ATP8A2: variants seen among roughly 807,000 people sequenced by gnomAD.
ATP8A2 encodes the protein ATPase phospholipid transporting 8A2, also known as phospholipid-transporting ATPase IB.
ATP8A2 carries 100 observed loss-of-function variants against 165.6 expected under a neutral mutation model. That is an observed-to-expected ratio of 0.60 (90% CI 0.51 to 0.71). The LOEUF is 0.71. Among genes scored for constraint, ATP8A2 ranks in the 30% least tolerant of loss-of-function variants. ATP8A2 has a pLI of 0.00. For missense variants in ATP8A2, 1,227 were observed against 1,479.5 expected (o/e 0.83, Z 2.80); for synonymous variants, 543 against 548.8 (o/e 0.99, Z 0.15).
rs763461849 is a variant in ATP8A2 at position 25,649,021 on chromosome 13, T to G, written c.2212-50152T>G. 5 of 508,662 alleles carry G rather than the reference T, an allele frequency of 9.8e-6. No individual in the cohort carries two copies. The East Asian group carries it at 2.8e-4, about 28-fold the overall frequency. 31.5% of individuals were successfully genotyped at this position (508,662 alleles called of 1,614,324 possible). A position where few individuals can be genotyped will look rare whatever the true frequency, so the allele number is the denominator to read the frequency against. On this transcript the variant is annotated intron_variant, in intron 24 of 36. Coordinates refer to ENST00000381655, the MANE Select transcript of ATP8A2 (RefSeq NM_016529.6). ...TTGATCTCCCTTTCATTAGGGTCAA[T>G]TTTTGGAGCTTTGTCAGTTTCTTTT...
intron 1 of ATP8A2, among the ~76,000 whole-genome samples, chr13:25,419,832 A>G (rs2034247135): frequency 6.6e-6 from 1 of 152,204 alleles, no homozygotes; most frequent in African/African-American, 2.4e-5. Flanking sequence ...ATAGATGATC[A>G]TTACTCTAGG....
chr13:25,553,768 CA>C, intron 11 of ATP8A2, 24 bp from the exon 12 acceptor site: 1 of 1,604,634 alleles, frequency 6.2e-7, no homozygotes, highest in South Asian at 1.1e-5. Flanking sequence ...GAACACCTTT[CA>C]GATACTCTGG....
intron 33 of ATP8A2, among the ~76,000 whole-genome samples, chr13:25,946,661 C>T (rs1955222112): frequency 6.6e-6 from 1 of 152,214 alleles, no homozygotes; most frequent in South Asian, 2.1e-4. Flanking sequence ...TGTGGCATTA[C>T]ATCTCAAAAA....
intron 1 of ATP8A2, among the ~76,000 whole-genome samples, chr13:25,412,719 C>T (rs2034004987): frequency 6.6e-6 from 1 of 152,198 alleles, no homozygotes; most frequent in Admixed American, 6.5e-5. Context: ...AGATTCATCA[C>T]AGAGCAGCAA....
chr13:25,703,305 C>T (rs1266849689), intron 25 of ATP8A2, among the ~76,000 whole-genome samples: 2 of 152,170 alleles, frequency 1.3e-5, no homozygotes, highest in Non-Finnish European at 2.9e-5. Flanking sequence ...GTCTCGATCT[C>T]TTGACCTTGT....
chr13:25,817,341 G>T (rs992163178), intron 27 of ATP8A2, among the ~76,000 whole-genome samples: 7 of 89,340 alleles, frequency 7.8e-5, no homozygotes, highest in Non-Finnish European at 2.5e-5. Flanking sequence ...TCGGTATTAT[G>T]GTCTTTTATG....
intron 24 of ATP8A2, among the ~76,000 whole-genome samples, chr13:25,598,178 A>G (rs184565743): frequency 5.4e-4 from 82 of 152,356 alleles, no homozygotes; most frequent in African/African-American, 1.9e-3. Context: ...CCTATTGAGC[A>G]TATATGTGAC....
At chr13:25,976,344 C>A (rs1330044291) in intron 35 of ATP8A2, among the ~76,000 whole-genome samples, 1 of 152,136 alleles carries the variant, frequency 6.6e-6, no homozygotes, top group Non-Finnish European at 1.5e-5. Flanking sequence ...GCAGAAAAGG[C>A]GATGAGGCCT....
At chr13:25,886,573 C>T (rs566784461) in intron 33 of ATP8A2, among the ~76,000 whole-genome samples, 3 of 152,336 alleles carry the variant, frequency 2.0e-5, no homozygotes, top group Admixed American at 6.5e-5. Flanking sequence ...TGGTTTCACC[C>T]GCTCCATGTG....
At chr13:25,965,527 C>T (rs1181030599) in intron 34 of ATP8A2, among the ~76,000 whole-genome samples, 2 of 152,174 alleles carry the variant, frequency 1.3e-5, no homozygotes, top group Non-Finnish European at 2.9e-5. Flanking sequence ...TATGTGATAC[C>T]TGGCTAATGA....
At chr13:25,789,100 C>G (rs2045102573) in intron 27 of ATP8A2, among the ~76,000 whole-genome samples, 1 of 152,070 alleles carries the variant, frequency 6.6e-6, no homozygotes, top group African/African-American at 2.4e-5. Context: ...CATGGTATTT[C>G]AAAATCATAG....
At chr13:25,638,595 T>C (rs896397267) in intron 24 of ATP8A2, among the ~76,000 whole-genome samples, 58 of 151,966 alleles carry the variant, frequency 3.8e-4, no homozygotes, top group African/African-American at 1.3e-3. Context: ...CCCCAAGAAA[T>C]ATGGGACTAT....
chr13:25,774,951 A>G lies in ATP8A2; in HGVS notation c.2671A>G (p.Ile891Val), dbSNP rs1043375940. The G allele has an allele frequency of 3.8e-6, 6 of 1,590,774 alleles. No individual in the cohort carries two copies. The highest frequency in any genetic ancestry group is 5.2e-6 in the Non-Finnish European group (6 of 1,161,332). The change falls in exon 27 of 37, where the codon ATT (isoleucine) becomes GTT (valine). Residue 891 changes from isoleucine to valine, a missense_variant. By Grantham distance (29) the Ile-to-Val change is conservative (BLOSUM62 3). Around this residue, in one of 5 missense-constraint regions of ATP8A2, gnomAD observed 592 missense variants for 785.6 expected, o/e 0.75. Transcript: ENST00000381655. ...CTTCTATAAGAACGTGGTCCTGTAT[A>G]TTATTGAGGTAAGAAGGGGTATTTT... is the stretch of plus-strand genomic sequence containing the variant. ...YCFYKNVVLY[I>V]IELWFAFVNG...
chr13:25,531,441 A>G (rs1593475470), intron 4 of ATP8A2, among the ~76,000 whole-genome samples: 1 of 46,534 alleles, frequency 2.1e-5, no homozygotes, highest in Non-Finnish European at 5.8e-5. Flanking sequence ...GATTATATAT[A>G]TGATTATATA....
chr13:25,835,844 C>G (rs1951589866), intron 28 of ATP8A2, among the ~76,000 whole-genome samples: 1 of 152,154 alleles, frequency 6.6e-6, no homozygotes, highest in Admixed American at 6.5e-5. Context: ...CTCAGCCAGC[C>G]ACCATCCTGT....
intron 25 of ATP8A2, among the ~76,000 whole-genome samples, chr13:25,747,925 A>G (rs1024109460): frequency 1.3e-5 from 2 of 151,722 alleles, no homozygotes; most frequent in African/African-American, 2.4e-5. Context: ...CTACAAGTAT[A>G]TAAGTTTTGT....
chr13:25,385,047 G>A (rs953572813), intron 1 of ATP8A2, among the ~76,000 whole-genome samples: 1 of 152,198 alleles, frequency 6.6e-6, no homozygotes, highest in Non-Finnish European at 1.5e-5. Context: ...TGGGGAAGCC[G>A]TCTCCAAAGG....
chr13:25,750,832 C>G lies in ATP8A2; in HGVS notation c.2385-18214C>G, dbSNP rs755336212. On this transcript the variant is annotated intron_variant, in intron 25 of 36. Transcript: ENST00000381655. This position sits in a 1 kb window ranked among gnomAD's most constrained non-coding sequence, Gnocchi z 4.3. ...AAAAAGGAATCTTTTTGGAATTACA[C>G]GTGTAGTTCACTAAAGTATTCCTAG... 6.6e-6 allele frequency among the ~76,000 whole-genome samples: 1 copy of G among 152,064 alleles called. No individual in the cohort carries two copies. The highest frequency in any genetic ancestry group is 1.5e-5 in the Non-Finnish European group (1 of 68,012).
At position 25,435,896 on chromosome 13, in the gene ATP8A2, A is replaced by C. The variant is rs139525499; in HGVS notation, c.77-33081A>C. Among the ~76,000 whole-genome samples, 221 of 148,958 alleles carry C rather than the reference A, an allele frequency of 1.5e-3. 2 individuals carry two copies. Among genetic ancestry groups the C allele is most frequent in the African/African-American group, 4.9e-3 (200 of 40,808 alleles). On this transcript the variant is annotated intron_variant, in intron 1 of 36. Coordinates refer to ENST00000381655, the MANE Select transcript of ATP8A2 (RefSeq NM_016529.6). Reference sequence around the variant, plus strand: ...AATGATCTTATGAAAAATGTCACGCAGTTAAGAAAAAGCATCGTGTGTGTG... The same window carrying C: ...AATGATCTTATGAAAAATGTCACGCCGTTAAGAAAAAGCATCGTGTGTGTG...
Sources: gnomAD v4.1 joint callset for allele counts (sites outside exome capture counted in the v4.1 genomes callset) on GRCh38, gnomAD v4.1.1 for gene constraint, gnomAD v4.1.1 regional missense constraint, Gnocchi (gnomAD v3.1) non-coding constraint, MANE v1.5 for transcripts, NCBI Gene and HGNC (gene_info 2026-07-23, HGNC 2026-07-21) for gene names.